The following CASQ2 variants were observed in gnomAD, a reference collection of about 807,000 sequenced individuals.
CASQ2 encodes calsequestrin-2.
A neutral mutation model predicts 46.5 loss-of-function variants in CASQ2; 49 were observed. That is an observed-to-expected ratio of 1.05 (90% CI 0.84 to 1.34). The LOEUF (loss-of-function observed/expected upper bound fraction) is 1.34. CASQ2 is among the 40% of genes most tolerant of loss of function. The pLI is 0.00. For synonymous variants in CASQ2, 174 were observed against 168.5 expected (o/e 1.03, Z -0.25); for missense variants, 486 against 481.3 (o/e 1.01, Z -0.09).
At position 115,726,239 on chromosome 1, in the gene CASQ2, C is replaced by T. The variant is rs549548788; in HGVS notation, c.738-686G>A. On this transcript the variant is annotated intron_variant, in intron 6 of 10. Coordinates refer to ENST00000261448, the MANE Select transcript of CASQ2 (RefSeq NM_001232.4). Reference sequence around the variant, plus strand: ...AGCCAGTGAGTCCACTACCATGTTCCATATTCCCATATCTTCCCTCCCTCA... The same window carrying T: ...AGCCAGTGAGTCCACTACCATGTTCTATATTCCCATATCTTCCCTCCCTCA... Among the ~76,000 whole-genome samples the T allele has an allele frequency of 5.3e-4, 81 of 152,278 alleles. 3 individuals carry two copies. The South Asian group carries it at 0.017, about 31-fold the overall frequency.
intron 1 of CASQ2, among the ~76,000 whole-genome samples, chr1:115,746,948 ATCT>A (rs1277154463): frequency 1.3e-5 from 2 of 152,120 alleles, no homozygotes; most frequent in Admixed American, 6.5e-5. Context: ...TAATCATTTC[ATCT>A]TCTTAATAGG....
Position 115,768,293 on chromosome 1 carries a change from C to T in CASQ2, c.234+15G>A. 2 of 1,553,042 alleles carry T rather than the reference C, an allele frequency of 1.3e-6. No individual in the cohort carries two copies. The highest frequency in any genetic ancestry group is 1.8e-6 in the Non-Finnish European group (2 of 1,124,640). On this transcript the variant is annotated intron_variant, in intron 1 of 10. Transcript: ENST00000261448. ...CACTGAGGCAGCGCAGACAGCATGC[C>T]CTTTGGTTACTTACCTCAAGCACGA...
intron 3 of CASQ2, 67 bp downstream of exon 3, chr1:115,740,661 G>T: frequency 2.9e-6 from 3 of 1,021,054 alleles, no homozygotes; most frequent in Non-Finnish European, 4.6e-6. Context: ...CTTTCTTTGG[G>T]GTTCTATCTC....
At chr1:115,722,357 A>G (rs1158877959) in intron 7 of CASQ2, among the ~76,000 whole-genome samples, 1 of 152,256 alleles carries the variant, frequency 6.6e-6, no homozygotes, top group Non-Finnish European at 1.5e-5. Context: ...TTATTCATTA[A>G]ATGAAAAGAA....
At chr1:115,730,206 C>A (rs1450549808) in intron 5 of CASQ2, among the ~76,000 whole-genome samples, 1 of 152,176 alleles carries the variant, frequency 6.6e-6, no homozygotes, top group Non-Finnish European at 1.5e-5. Flanking sequence ...GGCTGGGGCC[C>A]AGAGACCAAT....
intron 7 of CASQ2, among the ~76,000 whole-genome samples, chr1:115,722,296 AT>A (rs751907457): frequency 1.3e-5 from 2 of 152,354 alleles, no homozygotes; most frequent in Non-Finnish European, 2.9e-5. Flanking sequence ...AATGTGGAAA[AT>A]ATGAGCCATC....
At position 115,732,986 on chromosome 1, in the gene CASQ2, A is replaced by C. The variant is rs774246167; in HGVS notation, c.533-12T>G. 1.9e-6 allele frequency: 3 copies of C among 1,591,232 alleles called. No individual in the cohort carries two copies. Among genetic ancestry groups the C allele is most frequent in the Admixed American group, 1.7e-5 (1 of 59,936 alleles). The stretch of plus-strand genomic sequence containing the variant: ...AAAAGCCTTGTAGTCTAAGGGGAAA[A>C]ATAAAGATGAAGGGAGAGACATTTT... On this transcript the variant is annotated splice_polypyrimidine_tract_variant and intron_variant, in intron 4 of 10. Coordinates refer to ENST00000261448, the MANE Select transcript of CASQ2 (RefSeq NM_001232.4).
In CASQ2 at chr1:115,701,391, G is replaced by A. The variant is rs758060229; in HGVS notation, c.1050C>T (p.Asp350=). ...DSVWMEIPDD[D]DLPTAEELED... is the part of the protein sequence containing the mutation. ...CCAGCTCCTCAGCAGTTGGAAGATC[G>A]TCATCATCTGGAATCTCCATCCAGA... The change falls in exon 11 of 11, where the codon GAC becomes GAT. Residue 350 remains aspartate (D), a synonymous_variant. Transcript: ENST00000261448. 21 of 1,613,566 alleles carry A rather than the reference G, an allele frequency of 1.3e-5. No individual in the cohort carries two copies. The highest frequency in any genetic ancestry group is 5.3e-5 in the African/African-American group (4 of 74,864).
intron 8 of CASQ2, among the ~76,000 whole-genome samples, chr1:115,715,127 T>C (rs918195165): frequency 1.3e-5 from 2 of 152,230 alleles, no homozygotes; most frequent in African/African-American, 4.8e-5. Flanking sequence ...ACTGCATCTC[T>C]GTTCACATAA....
At position 115,756,343 on chromosome 1, in the gene CASQ2, A is replaced by T. The variant is rs563509002; in HGVS notation, c.235-11431T>A. On this transcript the variant is annotated intron_variant, in intron 1 of 10. Coordinates refer to ENST00000261448, the MANE Select transcript of CASQ2 (RefSeq NM_001232.4). ...TGGATAATTCTGGCCTACCACATCC[A>T]GTTTATAAAAAGGGAAGCCTTAGAG... is the stretch of plus-strand genomic sequence containing the variant. Among the ~76,000 whole-genome samples the T allele has an allele frequency of 3.9e-4, 59 of 152,336 alleles. 1 individual carries two copies. In the South Asian group the frequency reaches 0.012, roughly 32 times the overall value.
chr1:115,751,325 G>A lies in CASQ2; in HGVS notation c.235-6413C>T, dbSNP rs530057549. On this transcript the variant is annotated intron_variant, in intron 1 of 10. Coordinates refer to ENST00000261448, the MANE Select transcript of CASQ2 (RefSeq NM_001232.4). ...GTTAACAAAAATGTGTAAGACACGT[G>A]TCAGCTCCAAGGGCCTTGTGATTTA... is the stretch of plus-strand genomic sequence containing the variant. Among the ~76,000 whole-genome samples, 4 of 152,222 alleles carry A rather than the reference G, an allele frequency of 2.6e-5. No individual in the cohort carries two copies. In the East Asian group the frequency reaches 7.7e-4, roughly 29 times the overall value.
In CASQ2 at chr1:115,725,437, A is replaced by G. The variant is rs941603963; in HGVS notation, c.783+71T>C. Reference sequence around the variant, plus strand: ...AAACTTGGTTTGAGTTTGGGGACTTAATCTAAGAAGCACTCCTCTTTGGGA... The same window carrying G: ...AAACTTGGTTTGAGTTTGGGGACTTGATCTAAGAAGCACTCCTCTTTGGGA... On this transcript the variant is annotated intron_variant, in intron 7 of 10. Coordinates refer to ENST00000261448, the MANE Select transcript of CASQ2 (RefSeq NM_001232.4). 40 of 1,564,298 alleles carry G rather than the reference A, an allele frequency of 2.6e-5. No individual in the cohort carries two copies. In the African/African-American group the frequency reaches 5.2e-4, roughly 20 times the overall value.
intron 2 of CASQ2, among the ~76,000 whole-genome samples, chr1:115,743,818 A>G (rs1232961374): frequency 1.3e-5 from 2 of 151,996 alleles, no homozygotes; most frequent in African/African-American, 4.8e-5. Context: ...CCAAATGGGC[A>G]GTACATGTGT....
chr1:115,726,846 A>G (rs1570817247), intron 6 of CASQ2, 146 bp downstream of exon 6: 1 of 672,258 alleles, frequency 1.5e-6, no homozygotes, highest in Non-Finnish European at 2.7e-6. Context: ...GTCATTACTG[A>G]TCAACAAAGC....
At chr1:115,751,671 TA>T (rs10542263) in intron 1 of CASQ2, among the ~76,000 whole-genome samples, 3,242 of 148,496 alleles carry the variant, frequency 0.022, 118 homozygotes, top group African/African-American at 0.075. Context: ...GCCTCCATCT[TA>T]AAAAAAAAAA....
At chr1:115,767,889 T>C (rs1006051001) in intron 1 of CASQ2, among the ~76,000 whole-genome samples, 2 of 152,132 alleles carry the variant, frequency 1.3e-5, no homozygotes, top group Admixed American at 1.3e-4. Context: ...GTAACTCTGG[T>C]CTCTCCAGGA....
At chr1:115,703,072 C>G in intron 9 of CASQ2, 77 bp from the exon 10 acceptor site, 1 of 1,117,966 alleles carries the variant, frequency 8.9e-7, no homozygotes, top group Non-Finnish European at 1.3e-6. Context: ...CGTCCCATCA[C>G]AGTAACTAGG....
intron 10 of CASQ2, among the ~76,000 whole-genome samples, chr1:115,702,464 T>TCGCATATGATTTTCTTC (rs1181292558): frequency 1.3e-5 from 2 of 152,224 alleles, no homozygotes; most frequent in Non-Finnish European, 2.9e-5. Flanking sequence ...AGCCCCTTAC[T>TCGCATATGATTTTCTTC]CGCATATGAT....
rs530678885 is a variant in CASQ2 at position 115,757,596 on chromosome 1, T to C, written c.234+10712A>G. Among the ~76,000 whole-genome samples, 347 of 152,320 alleles carry C rather than the reference T, an allele frequency of 2.3e-3. 2 individuals carry two copies. The highest frequency in any genetic ancestry group is 7.9e-3 in the African/African-American group (328 of 41,574). On this transcript the variant is annotated intron_variant, in intron 1 of 10. Coordinates refer to ENST00000261448, the MANE Select transcript of CASQ2 (RefSeq NM_001232.4). ...GCCTTCCTCTCTTGGGGTTTGGAAATGCAACCACCACTGGGATATTTGCCA... is the reference window on the plus strand; with the variant it reads ...GCCTTCCTCTCTTGGGGTTTGGAAACGCAACCACCACTGGGATATTTGCCA...
Sources: gnomAD v4.1 joint callset for allele counts (sites outside exome capture counted in the v4.1 genomes callset) on GRCh38, gnomAD v4.1.1 for gene constraint, MANE v1.5 for transcripts, NCBI Gene and HGNC (gene_info 2026-07-23, HGNC 2026-07-21) for gene names.